AKAP12: variants seen among roughly 807,000 people sequenced by gnomAD.
AKAP12 encodes the protein A-kinase anchor protein 12.
Under a neutral mutation model 79.9 loss-of-function variants are expected in AKAP12, and 32 were observed. The observed-to-expected ratio is 0.40, with a 90% confidence interval of 0.30 to 0.54. AKAP12 has a LOEUF of 0.54. Among genes scored for constraint, AKAP12 ranks in the 20% least tolerant of loss-of-function variants. AKAP12 has a pLI of 0.48. For missense variants in AKAP12, 2,074 were observed against 2,177.0 expected (o/e 0.95, Z 0.94); for synonymous variants, 808 against 857.0 (o/e 0.94, Z 1.00).
intron 3 of AKAP12, among the ~76,000 whole-genome samples, chr6:151,316,146 A>G (rs1377773685): frequency 1.3e-5 from 2 of 152,238 alleles, no homozygotes; most frequent in African/African-American, 2.4e-5. Flanking sequence ...TTAGCCTGTT[A>G]ATCAAGATTT....
intron 3 of AKAP12, among the ~76,000 whole-genome samples, chr6:151,308,888 G>A (rs1056682254): frequency 6.6e-6 from 1 of 151,988 alleles, no homozygotes; most frequent in African/African-American, 2.4e-5. Flanking sequence ...GTTTAGTTTT[G>A]TTTTGAGACG....
rs766023753 is a variant in AKAP12, at chr6:151,351,418, A to G, written c.3027A>G (p.Leu1009=). 37 of 1,614,104 alleles carry G rather than the reference A, an allele frequency of 2.3e-5. 1 individual carries two copies. The Middle Eastern group carries it at 4.9e-4, about 22-fold the overall frequency. Residue 1009 remains leucine (L), a synonymous_variant, in exon 4 of 5, where the codon TTA becomes TTG. Coordinates refer to ENST00000402676, the MANE Select transcript of AKAP12 (RefSeq NM_005100.4). The surrounding 1 kb of genome is among the most constrained non-coding windows in gnomAD (Gnocchi z 4.4). ...AAATGGTGTCAGCAGTCTCCCAGTT[A>G]ACCGACTCCCCAGACACCACAGAGG... ...TTEMVSAVSQ[L]TDSPDTTEEA... is the part of the protein sequence containing the mutation.
chr6:151,282,420 T>C lies in AKAP12; in HGVS notation c.163-23327T>C, dbSNP rs906928286. 9.2e-5 allele frequency among the ~76,000 whole-genome samples: 14 copies of C among 151,974 alleles called. 1 individual carries two copies. The highest frequency in any genetic ancestry group is 3.4e-4 in the African/African-American group (14 of 41,370). On this transcript the variant is annotated intron_variant, in intron 2 of 4. Transcript: ENST00000402676. ...CCACCGTGCCCAGCCTGCCCATACA[T>C]CTTAAGGGACCTCCAGCTCACGCAT... is the stretch of plus-strand genomic sequence containing the variant.
chr6:151,326,669 C>T (rs1325942787), intron 3 of AKAP12, among the ~76,000 whole-genome samples: 1 of 152,086 alleles, frequency 6.6e-6, no homozygotes, highest in Non-Finnish European at 1.5e-5. Context: ...AGTCTTATGC[C>T]ATTGTACTGT....
intron 3 of AKAP12, chr6:151,323,667 G>A (rs1170298916): frequency 1.0e-6 from 1 of 977,590 alleles, no homozygotes; most frequent in Non-Finnish European, 1.2e-6. Context: ...ATGTTGTTTA[G>A]GGTATTAAAT....
intron 2 of AKAP12, among the ~76,000 whole-genome samples, chr6:151,297,079 A>G (rs1007030747): frequency 1.4e-5 from 2 of 147,294 alleles, no homozygotes; most frequent in East Asian, 4.1e-4. Flanking sequence ...TTTAGAGTGA[A>G]TACACCAAGA....
intron 2 of AKAP12, among the ~76,000 whole-genome samples, chr6:151,257,912 C>G (rs1797332710): frequency 6.6e-6 from 1 of 152,154 alleles, no homozygotes; most frequent in South Asian, 2.1e-4. Flanking sequence ...ATTGAGCACA[C>G]TTTGGATGGA....
chr6:151,305,680 A>G, intron 2 of AKAP12, 67 bp from the exon 3 acceptor site: 7 of 1,449,944 alleles, frequency 4.8e-6, no homozygotes, highest in African/African-American at 1.4e-5. Context: ...TCTGGAAGTT[A>G]ATGCCTTGTT....
chr6:151,284,344 G>A (rs1776460375), intron 2 of AKAP12, among the ~76,000 whole-genome samples: 1 of 152,182 alleles, frequency 6.6e-6, no homozygotes, highest in South Asian at 2.1e-4. Context: ...AAGAATGCAT[G>A]GCTGGGTGTG....
chr6:151,285,428 C>G (rs1399280732), intron 2 of AKAP12, among the ~76,000 whole-genome samples: 1 of 104,728 alleles, frequency 9.5e-6, no homozygotes, highest in African/African-American at 3.5e-5. Flanking sequence ...GTATCTATTT[C>G]AATCTACTGA....
At chr6:151,268,478 A>C (rs955116888) in intron 2 of AKAP12, among the ~76,000 whole-genome samples, 2 of 152,234 alleles carry the variant, frequency 1.3e-5, no homozygotes, top group Non-Finnish European at 2.9e-5. Flanking sequence ...ATTTAAGGCA[A>C]AAATAACACT....
At chr6:151,263,127 C>T (rs1412960458) in intron 2 of AKAP12, among the ~76,000 whole-genome samples, 2 of 152,180 alleles carry the variant, frequency 1.3e-5, no homozygotes, top group African/African-American at 2.4e-5. Context: ...CCTCAATCTC[C>T]TGATCTCAAG....
Position 151,274,123 on chromosome 6 carries a change from G to A in AKAP12, c.163-31624G>A, listed in dbSNP as rs564071247. 4.6e-5 allele frequency among the ~76,000 whole-genome samples: 7 copies of A among 151,648 alleles called. No individual in the cohort carries two copies. In the East Asian group the frequency reaches 1.4e-3, roughly 30 times the overall value. On this transcript the variant is annotated intron_variant, in intron 2 of 4. Transcript: ENST00000402676. ...ATCTTGCTCTTTTGCCCAGGGTGGA[G>A]GGCAGTGGCGCAATCTCGGCTCACT... is the stretch of plus-strand genomic sequence containing the variant.
Position 151,256,963 on chromosome 6 carries a change from A to ATATATATATATAT in AKAP12, c.162+16239_162+16240insTATATATATATAT, listed in dbSNP as rs1562709082. On this transcript the variant is annotated intron_variant, in intron 2 of 4. Coordinates refer to ENST00000402676, the MANE Select transcript of AKAP12 (RefSeq NM_005100.4). ...CGCGCCCGGCCTATATATATATATA[A>ATATATATATATAT]ACTTTAAATTAACCAAATATAGAGA... 1.2e-3 allele frequency among the ~76,000 whole-genome samples: 99 copies of ATATATATATATAT among 81,324 alleles called. 1 individual carries two copies. Among genetic ancestry groups the ATATATATATATAT allele is most frequent in the African/African-American group, 7.1e-3 (96 of 13,564 alleles). 53.4% of individuals were successfully genotyped at this position (81,324 alleles called of 152,430 possible).
chr6:151,286,285 C>G (rs1335177023), intron 2 of AKAP12, among the ~76,000 whole-genome samples: 1 of 152,210 alleles, frequency 6.6e-6, no homozygotes, highest in African/African-American at 2.4e-5. Flanking sequence ...TGGCATCAGG[C>G]TGAAAGCATT....
At chr6:151,310,657 C>T (rs1159438168) in intron 3 of AKAP12, among the ~76,000 whole-genome samples, 8 of 151,666 alleles carry the variant, frequency 5.3e-5, no homozygotes, top group African/African-American at 9.7e-5. Flanking sequence ...TTTTTTTCCC[C>T]GAACAGTTGA....
chr6:151,335,164 G>C (rs1313905109), intron 3 of AKAP12, among the ~76,000 whole-genome samples: 2 of 152,090 alleles, frequency 1.3e-5, no homozygotes, highest in Non-Finnish European at 2.9e-5. Context: ...TAGTTTTGAA[G>C]ACTTTATTCA....
chr6:151,344,023 C>A, intron 3 of AKAP12: 4 of 401,152 alleles, frequency 1.0e-5, no homozygotes, highest in South Asian at 3.9e-5. Context: ...TGAATATTTG[C>A]TTCAAAGTTT....
chr6:151,273,121 A>G (rs930949542), intron 2 of AKAP12, among the ~76,000 whole-genome samples: 3 of 151,818 alleles, frequency 2.0e-5, no homozygotes, highest in African/African-American at 7.3e-5. Flanking sequence ...GGTAGCCAGG[A>G]TGGTCTGGAT....
Sources: gnomAD v4.1 joint callset for allele counts (sites outside exome capture counted in the v4.1 genomes callset) on GRCh38, gnomAD v4.1.1 for gene constraint, Gnocchi (gnomAD v3.1) non-coding constraint, MANE v1.5 for transcripts, NCBI Gene and HGNC (gene_info 2026-07-23, HGNC 2026-07-21) for gene names.